AIMP1: variants seen among roughly 807,000 people sequenced by gnomAD.
The protein encoded by AIMP1 is aminoacyl tRNA synthase complex-interacting multifunctional protein 1.
Under a neutral mutation model 33.1 loss-of-function variants are expected in AIMP1, and 24 were observed. The ratio of observed to expected loss-of-function variants is 0.73; its 90% confidence interval spans 0.53 to 1.02. AIMP1 has a LOEUF of 1.02. AIMP1 is among the 50% of genes least tolerant of loss of function. The pLI is 0.00. For synonymous variants in AIMP1, 120 were observed against 121.5 expected, an observed-to-expected ratio of 0.99 and a Z score of 0.08; for missense variants, 367 against 364.8, an observed-to-expected ratio of 1.01 and a Z score of -0.05.
intron 1 of AIMP1, among the ~76,000 whole-genome samples, chr4:106,317,255 A>G (rs942249567): frequency 2.0e-5 from 3 of 152,222 alleles, no homozygotes; most frequent in Admixed American, 2.0e-4. Flanking sequence ...GGGACCAGCC[A>G]TTGCAGAGGT....
chr4:106,341,827 A>G (rs1770111067), intron 6 of AIMP1, among the ~76,000 whole-genome samples: 1 of 152,148 alleles, frequency 6.6e-6, no homozygotes, highest in Non-Finnish European at 1.5e-5. Flanking sequence ...TCTGTTATAA[A>G]TGATGTTGTA....
At chr4:106,345,148 G>T (rs1477996531) in intron 6 of AIMP1, among the ~76,000 whole-genome samples, 1 of 152,158 alleles carries the variant, frequency 6.6e-6, no homozygotes, top group Non-Finnish European at 1.5e-5. Flanking sequence ...ATCTGAGAAG[G>T]TTAATTTTGT....
At chr4:106,330,705 C>G (rs1769642901) in intron 4 of AIMP1, among the ~76,000 whole-genome samples, 1 of 152,166 alleles carries the variant, frequency 6.6e-6, no homozygotes, top group Non-Finnish European at 1.5e-5. Context: ...GCCCATCTTA[C>G]TGTTTCCAGT....
chr4:106,330,404 T>C (rs778915215), intron 4 of AIMP1, among the ~76,000 whole-genome samples: 7 of 152,204 alleles, frequency 4.6e-5, no homozygotes, highest in Non-Finnish European at 1.0e-4. Flanking sequence ...TTTTACCTTT[T>C]GAAAAATTTT....
intron 6 of AIMP1, among the ~76,000 whole-genome samples, chr4:106,338,443 G>C (rs534988952): frequency 3.0e-4 from 46 of 152,330 alleles, no homozygotes; most frequent in African/African-American, 1.1e-3. Context: ...CTGCAGCCAT[G>C]GCTAAAAAGG....
intron 6 of AIMP1, among the ~76,000 whole-genome samples, chr4:106,343,157 T>G (rs1324270755): frequency 6.6e-6 from 1 of 152,198 alleles, no homozygotes; most frequent in Non-Finnish European, 1.5e-5. Context: ...CCTAGTACAA[T>G]CTTGGGAGGT....
intron 4 of AIMP1, 77 bp downstream of exon 4, chr4:106,328,320 A>G: frequency 1.4e-6 from 2 of 1,473,042 alleles, no homozygotes; most frequent in Non-Finnish European, 9.2e-7. Context: ...TGATAATAAT[A>G]ATAGTATCAA....
rs565086590 is a variant in AIMP1, at chr4:106,327,751, A to G, written c.223+187A>G. 5.9e-5 allele frequency among the ~76,000 whole-genome samples: 9 copies of G among 152,342 alleles called. No individual in the cohort carries two copies. The South Asian group carries it at 6.2e-4, about 11-fold the overall frequency. On this transcript the variant is annotated intron_variant, in intron 3 of 6. Coordinates refer to ENST00000672341, the MANE Select transcript of AIMP1 (RefSeq NM_001142416.2). ...CTACTTCTTAGAGTATGAGAATTAC[A>G]TGAGTTAATTTGTATAAAGCATTTT...
chr4:106,317,156 C>T (rs1447325805), intron 1 of AIMP1, among the ~76,000 whole-genome samples: 1 of 152,166 alleles, frequency 6.6e-6, no homozygotes, highest in Non-Finnish European at 1.5e-5. Flanking sequence ...ACAGGAAGGT[C>T]TTGCTGAAAA....
intron 5 of AIMP1, among the ~76,000 whole-genome samples, chr4:106,334,548 AGC>A (rs1180870658): frequency 6.6e-6 from 1 of 152,186 alleles, no homozygotes; most frequent in Non-Finnish European, 1.5e-5. Context: ...TACAGGTGTG[AGC>A]CACCACACAC....
At position 106,327,453 on chromosome 4, in the gene AIMP1, T is replaced by C. The variant is rs377086510; in HGVS notation, c.112T>C (p.Leu38=). The change falls in exon 3 of 7, where the codon TTG becomes CTG. Residue 38 remains leucine (L), a splice_region_variant and synonymous_variant. Coordinates refer to ENST00000672341, the MANE Select transcript of AIMP1 (RefSeq NM_001142416.2). ...TAACTGGATGTTCTTGATCCTAGTTTTGCAGGCAACTTTGAGGGAAGAGAA... is the reference window on the plus strand; with the variant it reads ...TAACTGGATGTTCTTGATCCTAGTTCTGCAGGCAACTTTGAGGGAAGAGAA... ...QVSLLKEKAI[L]QATLREEKKL... is the part of the protein sequence containing the mutation. The C allele has an allele frequency of 1.2e-6, 2 of 1,609,414 alleles. No homozygotes were observed. The highest frequency in any genetic ancestry group is 2.7e-5 in the African/African-American group (2 of 74,794).
intron 2 of AIMP1, among the ~76,000 whole-genome samples, chr4:106,326,821 G>C (rs1382978662): frequency 6.6e-6 from 1 of 151,630 alleles, no homozygotes; most frequent in Admixed American, 6.6e-5. Context: ...TGTTACCCAG[G>C]CTGGAATACA....
intron 6 of AIMP1, among the ~76,000 whole-genome samples, chr4:106,339,852 G>T (rs1770028434): frequency 6.6e-6 from 1 of 152,028 alleles, no homozygotes; most frequent in Non-Finnish European, 1.5e-5. Context: ...TCAAATTCAG[G>T]ATATAGAGAA....
intron 6 of AIMP1, among the ~76,000 whole-genome samples, chr4:106,344,730 C>G (rs1255673059): frequency 6.6e-6 from 1 of 151,836 alleles, no homozygotes; most frequent in Non-Finnish European, 1.5e-5. Context: ...TTGTTAATCT[C>G]ATGAACTCCA....
chr4:106,328,316 TA>T (rs1344552348), intron 4 of AIMP1, 73 bp downstream of exon 4: 1 of 1,481,108 alleles, frequency 6.8e-7, no homozygotes, highest in Non-Finnish European at 9.1e-7. Context: ...ATAATGATAA[TA>T]ATAATAGTAT....
chr4:106,322,769 G>A (rs948336634), intron 1 of AIMP1, among the ~76,000 whole-genome samples: 1 of 152,080 alleles, frequency 6.6e-6, no homozygotes, highest in African/African-American at 2.4e-5. Context: ...CAGATCAGTT[G>A]AGGGAGGTCA....
chr4:106,347,367 C>G (rs923637819), intron 6 of AIMP1, among the ~76,000 whole-genome samples, 159 bp from the exon 7 acceptor site: 2 of 152,036 alleles, frequency 1.3e-5, no homozygotes, highest in East Asian at 1.9e-4. Flanking sequence ...ATATAAACTG[C>G]TGACATAATA....
chr4:106,343,253 T>A (rs1489812144), intron 6 of AIMP1, among the ~76,000 whole-genome samples: 1 of 152,178 alleles, frequency 6.6e-6, no homozygotes, highest in East Asian at 1.9e-4. Context: ...TGTATTTCTG[T>A]GGGATTGGTT....
chr4:106,325,805 C>G (rs1316500172), intron 2 of AIMP1, among the ~76,000 whole-genome samples: 1 of 151,614 alleles, frequency 6.6e-6, no homozygotes, highest in Non-Finnish European at 1.5e-5. Flanking sequence ...AAAATATTTC[C>G]TAGAAAAATA....
Sources: gnomAD v4.1 joint callset for allele counts (sites outside exome capture counted in the v4.1 genomes callset) on GRCh38, gnomAD v4.1.1 for gene constraint, MANE v1.5 for transcripts, NCBI Gene and HGNC (gene_info 2026-07-23, HGNC 2026-07-21) for gene names.